Variants in RADIL observed in about 807,000 individuals in gnomAD.
RADIL encodes the protein Rap associating with DIL domain.
A neutral mutation model predicts 97.6 loss-of-function variants in RADIL; 99 were observed. The ratio of observed to expected loss-of-function variants is 1.01; its 90% CI spans 0.86 to 1.20. The LOEUF is 1.20. Among genes scored for constraint, RADIL ranks in the 50% most tolerant of loss-of-function variants. The probability of loss-of-function intolerance (pLI) is 0.00; values close to 1 mark genes in which losing one functional copy is unlikely to be tolerated. For synonymous variants in RADIL, 803 were observed against 691.8 expected (o/e 1.16, Z -2.52); for missense variants, 1,765 against 1,498.9 (o/e 1.18, Z -2.93).
rs1427590720 is a variant in RADIL at position 4,835,226 on chromosome 7, T to A, written c.797A>T (p.Tyr266Phe). 1 of 1,610,086 alleles carries A rather than the reference T, an allele frequency of 6.2e-7. No individual in the cohort carries two copies. Among genetic ancestry groups the A allele is most frequent in the African/African-American group, 1.3e-5 (1 of 75,018 alleles). ...CGTGTGCCGGTCCCGGTTGAGCACATACACCAGGCTGTCCTGAAACAGAGA... is the reference window on the plus strand; with the variant it reads ...CGTGTGCCGGTCCCGGTTGAGCACAAACACCAGGCTGTCCTGAAACAGAGA... ...GYSQQHDSLV[Y>F]VLNRDRHTVG... The change falls in exon 4 of 15, where the codon TAT becomes TTT. Residue 266 changes from tyrosine (Y) to phenylalanine (F), a missense_variant. By Grantham distance (22) the Tyr-to-Phe change is conservative. Transcript: ENST00000399583. This position sits in a 1 kb window ranked among gnomAD's most constrained non-coding sequence, Gnocchi z 5.8.
intron 12 of RADIL, among the ~76,000 whole-genome samples, chr7:4,801,373 T>C (rs1461682298): frequency 2.0e-5 from 3 of 152,178 alleles, no homozygotes; most frequent in Non-Finnish European, 4.4e-5. Flanking sequence ...CTCTGCCCAG[T>C]GCAGGAGTGA....
In RADIL at chr7:4,835,088, G is replaced by A. The variant is rs1245522506; in HGVS notation, c.935C>T (p.Ala312Val). Residue 312 changes from alanine (A) to valine (V), a missense_variant, in exon 4 of 15, where the codon GCG (alanine) becomes GTG (valine). Ala to Val is a moderately conservative substitution (Grantham distance 64). Coordinates refer to ENST00000399583, the MANE Select transcript of RADIL (RefSeq NM_018059.5). The surrounding 1 kb of genome is among the most constrained non-coding windows in gnomAD (Gnocchi z 5.8). ...RQPLPDSGQA[A>V]GRLVLEPIPG... ...GATGGGCTCCAGGACCAGCCTCCCC[G>A]CGGCCTGGCCGCTGTCCGGGAGCGG... 12 of 1,607,638 alleles carry A rather than the reference G, an allele frequency of 7.5e-6. No homozygotes were observed. Among genetic ancestry groups the A allele is most frequent in the African/African-American group, 1.3e-5 (1 of 74,834 alleles).
chr7:4,877,839 C>A lies in RADIL; in HGVS notation c.301G>T (p.Ala101Ser). The A allele has an allele frequency of 6.2e-7, 1 of 1,607,082 alleles. No homozygotes were observed. Among genetic ancestry groups the A allele is most frequent in the East Asian group, 2.2e-5 (1 of 44,878 alleles). ...TGGCCGGCCTGCCTGGGGTCCAGGG[C>A]GTACCGCTCCAGCGCCTCCTTCACC... ...ELVKEALERY[A>S]LDPRQAGQYV... Residue 101 changes from alanine to serine, a missense_variant, in exon 2 of 15, where the codon GCC becomes TCC. Physicochemically the swap from Ala to Ser is moderately conservative, Grantham distance 99 (BLOSUM62 1). Transcript: ENST00000399583.
Position 4,883,066 on chromosome 7 carries a change from C to CT in RADIL, c.-65+529dup, listed in dbSNP as rs1784517787. 1.3e-5 allele frequency among the ~76,000 whole-genome samples: 2 copies of CT among 152,216 alleles called. No homozygotes were observed. Among genetic ancestry groups the CT allele is most frequent in the Non-Finnish European group, 2.9e-5 (2 of 68,034 alleles). On this transcript the variant is annotated intron_variant, in intron 1 of 14. Transcript: ENST00000399583. The surrounding 1 kb of genome is among the most constrained non-coding windows in gnomAD (Gnocchi z 7.1). ...GTACATAAATAGCCGGGAAACAATGCTTTGAGCTGGCGCACGAGTGGGGAT... is the reference window on the plus strand; with the variant it reads ...GTACATAAATAGCCGGGAAACAATGCTTTTGAGCTGGCGCACGAGTGGGGAT...
intron 5 of RADIL, among the ~76,000 whole-genome samples, chr7:4,827,532 G>T (rs539711121): frequency 2.0e-5 from 3 of 151,984 alleles, no homozygotes; most frequent in African/African-American, 7.3e-5. Context: ...GTGGTTGCAG[G>T]CGCCTGTAGT....
In RADIL at chr7:4,834,933, G is replaced by C; in HGVS notation, c.1090C>G (p.Leu364Val). 1 of 1,587,548 alleles carries C rather than the reference G, an allele frequency of 6.3e-7. No individual in the cohort carries two copies. The change falls in exon 4 of 15, where the codon CTG (leucine) becomes GTG (valine). Residue 364 changes from leucine (L) to valine (V), a missense_variant. By Grantham distance (32) the Leu-to-Val change is conservative. Coordinates refer to ENST00000399583, the MANE Select transcript of RADIL (RefSeq NM_018059.5). This position sits in a 1 kb window ranked among gnomAD's most constrained non-coding sequence, Gnocchi z 6.0. ...LFKDPAQAQPLPARALARLRA... is the reference protein window; with the variant it reads ...LFKDPAQAQPVPARALARLRA... The stretch of plus-strand genomic sequence containing the variant: ...AGGCGCGCCAAGGCCCGGGCGGGCA[G>C]GGGCTGGGCCTGCGCGGGGTCCTTG...
rs1430152826 is a variant in RADIL at position 4,848,691 on chromosome 7, A to C, written c.536-12086T>G. Among the ~76,000 whole-genome samples the C allele has an allele frequency of 2.0e-5, 3 of 152,220 alleles. 1 individual carries two copies. The highest frequency in any genetic ancestry group is 3.8e-4 in the East Asian group (2 of 5,204). ...ACCCTGATTATTAATTTAAAAAAAA[A>C]CATGGCTCTATTGAGAAGATCGGGC... On this transcript the variant is annotated intron_variant, in intron 2 of 14. Coordinates refer to ENST00000399583, the MANE Select transcript of RADIL (RefSeq NM_018059.5).
intron 2 of RADIL, among the ~76,000 whole-genome samples, chr7:4,839,791 G>A (rs190410311): frequency 6.6e-6 from 1 of 152,242 alleles, no homozygotes; most frequent in East Asian, 1.9e-4. Flanking sequence ...TGTCGCCCAG[G>A]CTAGAGTAGC....
In RADIL at chr7:4,822,220, C is replaced by T. The variant is rs2115198400; in HGVS notation, c.1615+174G>A. ...GACTGGCCCGTGCCACCAGCACCAG[C>T]CTCACAGGCCGTCCCCGAGCAACTG... On this transcript the variant is annotated intron_variant, in intron 6 of 14. Transcript: ENST00000399583. This position sits in a 1 kb window ranked among gnomAD's most constrained non-coding sequence, Gnocchi z 5.3. Among the ~76,000 whole-genome samples the T allele has an allele frequency of 6.6e-6, 1 of 152,316 alleles. No individual in the cohort carries two copies.
Position 4,809,312 on chromosome 7 carries a change from C to T in RADIL, c.2140-3596G>A, listed in dbSNP as rs142634414. ...ACGAGGTTCCTGCCCTCGGCTCGGC[C>T]TAGTTTCCCTAGCCAGGAGAAGTCC... On this transcript the variant is annotated intron_variant, in intron 9 of 14. Transcript: ENST00000399583. The T allele has an allele frequency of 3.3e-3, 3,220 of 985,370 alleles. 8 individuals carry two copies. The highest frequency in any genetic ancestry group is 3.7e-3 in the Non-Finnish European group (3,058 of 829,886). The allele number at this position is 985,370 out of a possible 1,614,324, so 61.0% of individuals were successfully genotyped here. A position where few individuals can be genotyped will look rare whatever the true frequency, so the allele number is the denominator to read the frequency against.
At position 4,872,620 on chromosome 7, in the gene RADIL, C is replaced by T. The variant is rs759708188; in HGVS notation, c.535+4985G>A. ...AGGGGAGTGAGAGCCACTTCCAGCC[C>T]GGCCATACCTCCAGCACCAGCCTCC... is the stretch of plus-strand genomic sequence containing the variant. On this transcript the variant is annotated intron_variant, in intron 2 of 14. Coordinates refer to ENST00000399583, the MANE Select transcript of RADIL (RefSeq NM_018059.5). The surrounding 1 kb of genome is among the most constrained non-coding windows in gnomAD (Gnocchi z 5.8). Among the ~76,000 whole-genome samples the T allele has an allele frequency of 1.9e-4, 29 of 152,256 alleles. No homozygotes were observed. Among genetic ancestry groups the T allele is most frequent in the South Asian group, 4.1e-4 (2 of 4,824 alleles).
chr7:4,836,968 C>T (rs369257690), intron 2 of RADIL, among the ~76,000 whole-genome samples: 2 of 152,070 alleles, frequency 1.3e-5, no homozygotes, highest in Admixed American at 6.6e-5. Context: ...AGTCTAATAG[C>T]GCCCATGTCC....
chr7:4,864,639 T>C (rs184633368), intron 2 of RADIL, among the ~76,000 whole-genome samples: 52 of 152,320 alleles, frequency 3.4e-4, no homozygotes, highest in Admixed American at 2.8e-3. Flanking sequence ...CAACTCTTGA[T>C]ACAAGAAACC....
At chr7:4,846,396 C>T (rs187718799) in intron 2 of RADIL, among the ~76,000 whole-genome samples, 17 of 152,228 alleles carry the variant, frequency 1.1e-4, no homozygotes, top group Admixed American at 1.1e-3. Flanking sequence ...CCACCCGCCT[C>T]AGCCTCCCAA....
At chr7:4,820,476 G>C (rs1240886493) in intron 6 of RADIL, among the ~76,000 whole-genome samples, 12 of 152,146 alleles carry the variant, frequency 7.9e-5, no homozygotes, top group Non-Finnish European at 1.5e-4. Context: ...CCCATCACGT[G>C]GGGGGCAAGG....
intron 5 of RADIL, among the ~76,000 whole-genome samples, chr7:4,830,570 G>A (rs911594161): frequency 2.0e-5 from 3 of 152,080 alleles, no homozygotes; most frequent in Admixed American, 1.3e-4. Context: ...AGAGGGCCTC[G>A]TGCAGCCATA....
In RADIL at chr7:4,879,702, G is replaced by A. The variant is rs139697747; in HGVS notation, c.-64-1499C>T. Among the ~76,000 whole-genome samples the A allele has an allele frequency of 3.4e-3, 521 of 152,296 alleles. 2 individuals carry two copies. Among genetic ancestry groups the A allele is most frequent in the African/African-American group, 0.012 (481 of 41,566 alleles). ...AGGACGGTGGCTGCCTAGGGCCACA[G>A]AAAGCAACCAGGGAACCCCTCCAAA... On this transcript the variant is annotated intron_variant, in intron 1 of 14. Coordinates refer to ENST00000399583, the MANE Select transcript of RADIL (RefSeq NM_018059.5). This position sits in a 1 kb window ranked among gnomAD's most constrained non-coding sequence, Gnocchi z 4.1.
chr7:4,850,213 C>A (rs1254427030), intron 2 of RADIL, among the ~76,000 whole-genome samples: 1 of 54,240 alleles, frequency 1.8e-5, no homozygotes, highest in Admixed American at 1.6e-4. Flanking sequence ...CAGACGATCC[C>A]TTTAAAAAAA....
intron 9 of RADIL, chr7:4,809,609 T>C (rs1414399847): frequency 1.0e-6 from 1 of 985,344 alleles, no homozygotes; most frequent in Non-Finnish European, 1.2e-6. Context: ...CTCCTTGAAC[T>C]CGACTCCTTC....
Sources: gnomAD v4.1 joint callset for allele counts (sites outside exome capture counted in the v4.1 genomes callset) on GRCh38, gnomAD v4.1.1 for gene constraint, Gnocchi (gnomAD v3.1) non-coding constraint, MANE v1.5 for transcripts, NCBI Gene and HGNC (gene_info 2026-07-23, HGNC 2026-07-21) for gene names.